The following IFT43 variants were observed in gnomAD, a reference collection of about 807,000 sequenced individuals.
IFT43 encodes the protein intraflagellar transport protein 43 homolog.
A neutral mutation model predicts 32.3 loss-of-function variants in IFT43; 33 were observed. That is an observed-to-expected ratio of 1.02 (90% CI 0.77 to 1.37). The LOEUF (loss-of-function observed/expected upper bound fraction) is 1.37. Ranked by LOEUF, IFT43 falls within the 40% of genes most tolerant of loss-of-function variation. The probability of loss-of-function intolerance (pLI) is 0.00; values close to 1 mark genes in which losing one functional copy is unlikely to be tolerated. For missense variants in IFT43, 274 were observed against 265.9 expected (o/e 1.03, Z -0.21); for synonymous variants, 93 against 98.2 (o/e 0.95, Z 0.31).
At chr14:76,042,918 A>T (rs2036734080) in intron 3 of IFT43, among the ~76,000 whole-genome samples, 1 of 152,190 alleles carries the variant, frequency 6.6e-6, no homozygotes, top group Admixed American at 6.5e-5. Flanking sequence ...TCTGCCTTTG[A>T]GGCCATTTCC....
At chr14:76,050,824 A>G (rs944664245) in intron 3 of IFT43, among the ~76,000 whole-genome samples, 3 of 152,306 alleles carry the variant, frequency 2.0e-5, no homozygotes, top group African/African-American at 7.2e-5. Flanking sequence ...TGAGAGGGCT[A>G]AAACCTCTAG....
intron 3 of IFT43, among the ~76,000 whole-genome samples, chr14:76,023,600 A>G (rs2036335833): frequency 6.6e-6 from 1 of 152,214 alleles, no homozygotes; most frequent in Non-Finnish European, 1.5e-5. Flanking sequence ...TATCATGATG[A>G]TGATGACTGT....
intron 5 of IFT43, among the ~76,000 whole-genome samples, chr14:76,070,323 TC>T (rs1236858860): frequency 6.6e-6 from 1 of 152,216 alleles, no homozygotes; most frequent in African/African-American, 2.4e-5. Context: ...TTTCAGCATA[TC>T]CTTCATCCCT....
At chr14:76,013,429 G>A (rs1372863375) in intron 2 of IFT43, among the ~76,000 whole-genome samples, 1 of 152,192 alleles carries the variant, frequency 6.6e-6, no homozygotes, top group Non-Finnish European at 1.5e-5. Context: ...GGAAAGGGAA[G>A]GCCAACAGTC....
At chr14:76,017,331 A>G (rs187711855) in intron 2 of IFT43, among the ~76,000 whole-genome samples, 1 of 152,088 alleles carries the variant, frequency 6.6e-6, no homozygotes, top group African/African-American at 2.4e-5. Flanking sequence ...CCCTCATTCT[A>G]TTGGTGTTAT....
At chr14:75,999,356 G>A (rs1297691459) in intron 2 of IFT43, among the ~76,000 whole-genome samples, 4 of 141,540 alleles carry the variant, frequency 2.8e-5, no homozygotes, top group Admixed American at 7.1e-5. Flanking sequence ...TCAAACTCCC[G>A]GCCTTAAGTG....
intron 2 of IFT43, among the ~76,000 whole-genome samples, chr14:75,993,721 C>T (rs1357108446): frequency 1.3e-5 from 2 of 152,192 alleles, no homozygotes; most frequent in East Asian, 3.8e-4. Flanking sequence ...CTTCCAGCTT[C>T]CTGCTCTGCT....
intron 5 of IFT43, chr14:76,076,782 A>G (rs1039195368): frequency 3.0e-5 from 44 of 1,446,478 alleles, no homozygotes; most frequent in African/African-American, 5.6e-5. Flanking sequence ...GCATGTGATG[A>G]TATTATCCGT....
At chr14:76,043,072 G>T (rs2140012723) in intron 3 of IFT43, among the ~76,000 whole-genome samples, 1 of 152,298 alleles carries the variant, frequency 6.6e-6, no homozygotes, top group South Asian at 2.1e-4. Context: ...CATGCAGCCA[G>T]CTCAGTGCCC....
intron 2 of IFT43, among the ~76,000 whole-genome samples, chr14:75,989,453 C>T (rs955894112): frequency 2.6e-5 from 4 of 151,940 alleles, no homozygotes; most frequent in African/African-American, 9.7e-5. Flanking sequence ...GGGAAATGAT[C>T]CAGCTTCTTT....
intron 2 of IFT43, among the ~76,000 whole-genome samples, chr14:75,998,499 A>G (rs1323086782): frequency 1.3e-5 from 2 of 152,210 alleles, no homozygotes; most frequent in Non-Finnish European, 2.9e-5. Context: ...GTGTTTAGGA[A>G]ACACATAGCC....
chr14:76,013,838 A>G (rs2036131735), intron 2 of IFT43: 1 of 257,012 alleles, frequency 3.9e-6, no homozygotes, highest in Admixed American at 4.4e-5. Context: ...CAGAATGGAG[A>G]TCAGATTTCC....
At chr14:76,009,851 G>A (rs2036047903) in intron 2 of IFT43, among the ~76,000 whole-genome samples, 1 of 151,958 alleles carries the variant, frequency 6.6e-6, no homozygotes, top group African/African-American at 2.4e-5. Flanking sequence ...CTGGAGTGCA[G>A]TGATGCAATC....
chr14:76,038,472 A>G (rs2036645351), intron 3 of IFT43, among the ~76,000 whole-genome samples: 1 of 152,088 alleles, frequency 6.6e-6, no homozygotes, highest in South Asian at 2.1e-4. Flanking sequence ...TACATCTTAG[A>G]TTTGTTTATT....
intron 2 of IFT43, among the ~76,000 whole-genome samples, chr14:75,998,459 G>A (rs1295961685): frequency 6.6e-6 from 1 of 152,188 alleles, no homozygotes; most frequent in East Asian, 1.9e-4. Flanking sequence ...TGACGGAAGT[G>A]GACGAACAGA....
chr14:76,049,561 A>G (rs1439259737), intron 3 of IFT43, among the ~76,000 whole-genome samples: 2 of 152,100 alleles, frequency 1.3e-5, no homozygotes, highest in Non-Finnish European at 2.9e-5. Flanking sequence ...CAAGGAATCA[A>G]TTTAAAGAAA....
chr14:75,993,027 A>G (rs73311107), intron 2 of IFT43, among the ~76,000 whole-genome samples: 12,484 of 152,186 alleles, frequency 0.082, 975 homozygotes, highest in African/African-American at 0.2. Context: ...AAACAGGGAT[A>G]ATAATATTCC....
chr14:75,988,980 G>C lies in IFT43; in HGVS notation c.147+3G>C. On this transcript the variant is annotated splice_donor_region_variant and intron_variant, in intron 2 of 8. Transcript: ENST00000314067. ...CCTCTTTGACTCTGACTGGAGAGGT[G>C]GGTGCTAAAAAAAAAGAAAATCTGA... is the stretch of plus-strand genomic sequence containing the variant. The C allele has an allele frequency of 6.2e-7, 1 of 1,613,594 alleles. No homozygotes were observed. The highest frequency in any genetic ancestry group is 8.5e-7 in the Non-Finnish European group (1 of 1,179,898).
rs537973938 is a variant in IFT43 at position 76,058,886 on chromosome 14, C to T, written c.248+212C>T. 95 of 1,482,990 alleles carry T rather than the reference C, an allele frequency of 6.4e-5. No individual in the cohort carries two copies. In the African/African-American group the frequency reaches 1.3e-3, roughly 20 times the overall value. 91.9% of individuals were successfully genotyped at this position (1,482,990 alleles called of 1,614,324 possible). A position where few individuals can be genotyped will look rare whatever the true frequency, so the allele number is the denominator to read the frequency against. ...TGGCATTGATGCCCATGTCCTATCT[C>T]CCACTGTGTGGTTTTAGAATTATAT... On this transcript the variant is annotated intron_variant, in intron 4 of 8. Coordinates refer to ENST00000314067, the MANE Select transcript of IFT43 (RefSeq NM_001102564.3).
Sources: gnomAD v4.1 joint callset for allele counts (sites outside exome capture counted in the v4.1 genomes callset) on GRCh38, gnomAD v4.1.1 for gene constraint, MANE v1.5 for transcripts, NCBI Gene and HGNC (gene_info 2026-07-23, HGNC 2026-07-21) for gene names.